Variants in GALNT13 observed in about 807,000 individuals in gnomAD.
GALNT13 encodes the protein UDP-GalNAc:polypeptide N-acetylgalactosaminyltransferase 13.
Under a neutral mutation model 64.2 loss-of-function variants are expected in GALNT13, and 28 were observed. That is an observed-to-expected ratio of 0.44 (90% confidence interval 0.32 to 0.60). The LOEUF (loss-of-function observed/expected upper bound fraction) is 0.60, where lower values mean the gene tolerates loss of function less well. Ranked by LOEUF, GALNT13 falls within the 20% of genes least tolerant of loss-of-function variation. GALNT13 has a pLI of 0.05. For missense variants in GALNT13, 577 were observed against 669.8 expected (o/e 0.86, Z 1.53); for synonymous variants, 214 against 224.6 (o/e 0.95, Z 0.42).
chr2:153,972,002 T>G (rs1693773370), intron 3 of GALNT13, among the ~76,000 whole-genome samples: 1 of 151,940 alleles, frequency 6.6e-6, no homozygotes, highest in Admixed American at 6.6e-5. Context: ...AGGGAGAAAT[T>G]TATGTGAAAA....
chr2:153,076,303 C>T, the GALNT13 span, among the ~76,000 whole-genome samples: 1 of 152,058 alleles, frequency 6.6e-6, no homozygotes, highest in African/African-American at 2.4e-5. Flanking sequence ...ACTGTCTTTC[C>T]ATTTTTTTCC....
the GALNT13 span, among the ~76,000 whole-genome samples, chr2:153,416,634 A>G: frequency 3.3e-5 from 5 of 152,214 alleles, no homozygotes; most frequent in African/African-American, 1.2e-4. Context: ...TTTGTAAAAT[A>G]CAGAAGTTAG....
In GALNT13 at chr2:153,880,568, A is replaced by T. The variant is rs1686713449; in HGVS notation, c.-177+8265A>T. On this transcript the variant is annotated intron_variant, in intron 1 of 12. Transcript: ENST00000392825. The stretch of plus-strand genomic sequence containing the variant: ...GGTTACTGACTATTCTACTTTCAAG[A>T]CTCACTACCATCTTTTCTCTTTTTC... 2.0e-5 allele frequency among the ~76,000 whole-genome samples: 3 copies of T among 152,056 alleles called. No homozygotes were observed. The South Asian group carries it at 6.2e-4, about 31-fold the overall frequency.
chr2:153,935,800 A>AGAGCAT (rs1171130538), intron 2 of GALNT13, among the ~76,000 whole-genome samples: 1 of 152,184 alleles, frequency 6.6e-6, no homozygotes, highest in Admixed American at 6.5e-5. Flanking sequence ...GGTGACAAAC[A>AGAGCAT]GAGCATTAAT....
At chr2:154,123,584 T>C (rs1682084936) in intron 3 of GALNT13, among the ~76,000 whole-genome samples, 1 of 151,982 alleles carries the variant, frequency 6.6e-6, no homozygotes, top group Non-Finnish European at 1.5e-5. Flanking sequence ...TATCTTGCCC[T>C]GTGAAAGGTG....
At chr2:154,067,961 A>G (rs13407881) in intron 3 of GALNT13, among the ~76,000 whole-genome samples, 57,231 of 151,802 alleles carry the variant, frequency 0.38, 11,286 homozygotes, top group Middle Eastern at 0.6. Context: ...CAAACTGTTC[A>G]TCTGACAAGG....
chr2:153,159,064 C>T, the GALNT13 span: 2 of 174,956 alleles, frequency 1.1e-5, no homozygotes, highest in East Asian at 2.7e-4. Flanking sequence ...TGTCTTGCTC[C>T]TCTACCACCT....
intron 2 of GALNT13, among the ~76,000 whole-genome samples, chr2:153,920,133 A>G (rs1689653130): frequency 6.6e-6 from 1 of 151,562 alleles, no homozygotes; most frequent in Non-Finnish European, 1.5e-5. Flanking sequence ...TGTTTTTGCT[A>G]TTAGTAGGCC....
intron 10 of GALNT13, among the ~76,000 whole-genome samples, chr2:154,396,434 TTATTAA>T (rs1699056000): frequency 6.6e-6 from 1 of 152,176 alleles, no homozygotes; most frequent in Admixed American, 6.5e-5. Context: ...GTTACAACTG[TTATTAA>T]TATTTACTGT....
At chr2:153,556,883 A>G in the GALNT13 span, among the ~76,000 whole-genome samples, 1 of 152,168 alleles carries the variant, frequency 6.6e-6, no homozygotes, top group Non-Finnish European at 1.5e-5. Flanking sequence ...AAGGACTTCC[A>G]TATTTCTATA....
intron 3 of GALNT13, among the ~76,000 whole-genome samples, chr2:153,984,157 G>C (rs2105167688): frequency 6.6e-6 from 1 of 151,766 alleles, no homozygotes; most frequent in Admixed American, 6.6e-5. Context: ...CATGGAGGTT[G>C]TACAATAATA....
chr2:153,753,842 C>T, the GALNT13 span, among the ~76,000 whole-genome samples: 1 of 152,192 alleles, frequency 6.6e-6, no homozygotes, highest in African/African-American at 2.4e-5. Context: ...AGGTGTCATC[C>T]AGTAGTTAGG....
the GALNT13 span, among the ~76,000 whole-genome samples, chr2:153,722,502 A>T: frequency 6.7e-6 from 1 of 149,126 alleles, no homozygotes; most frequent in African/African-American, 2.6e-5. Context: ...CCCTTCAAAA[A>T]ATCAATGAAT....
chr2:153,462,090 T>C, the GALNT13 span, among the ~76,000 whole-genome samples: 4 of 152,194 alleles, frequency 2.6e-5, no homozygotes, highest in African/African-American at 9.6e-5. Flanking sequence ...TTTTATGGAA[T>C]AGATAGAGAT....
chr2:153,267,899 C>G, the GALNT13 span, among the ~76,000 whole-genome samples: 58,034 of 151,944 alleles, frequency 0.38, 11,652 homozygotes, highest in Middle Eastern at 0.52. Context: ...TAACCTCTCA[C>G]TAGAACAGCA....
the GALNT13 span, among the ~76,000 whole-genome samples, chr2:153,346,614 A>T: frequency 6.6e-6 from 1 of 152,202 alleles, no homozygotes; most frequent in South Asian, 2.1e-4. Context: ...ACTTTGAGAA[A>T]TTATGATCCA....
At chr2:154,145,070 C>CTCTCTCTA (rs1197890145) in intron 4 of GALNT13, among the ~76,000 whole-genome samples, 86 of 136,208 alleles carry the variant, frequency 6.3e-4, no homozygotes, top group African/African-American at 2.1e-3. Flanking sequence ...CTCTCTCTCT[C>CTCTCTCTA]TCTATCTATC....
chr2:153,546,699 T>C, the GALNT13 span, among the ~76,000 whole-genome samples: 2 of 152,308 alleles, frequency 1.3e-5, no homozygotes, highest in Admixed American at 1.3e-4. Context: ...AGATGCAAAA[T>C]ACCTTGTCAA....
At chr2:153,785,795 G>A in the GALNT13 span, among the ~76,000 whole-genome samples, 2 of 152,074 alleles carry the variant, frequency 1.3e-5, no homozygotes, top group Non-Finnish European at 2.9e-5. Context: ...CTCCCAGTGT[G>A]GGCGTGGGGG....
Sources: allele counts gnomAD v4.1 joint callset (sites outside exome capture counted in the v4.1 genomes callset), GRCh38; gene constraint gnomAD v4.1.1; transcripts MANE v1.5; gene names NCBI Gene and HGNC (gene_info 2026-07-23, HGNC 2026-07-21).